ETV3: variants seen among roughly 807,000 people sequenced by gnomAD.
ETV3 encodes ETS variant transcription factor 3.
A neutral mutation model predicts 33.0 loss-of-function variants in ETV3; 8 were observed. The ratio of observed to expected loss-of-function variants is 0.24; its 90% CI spans 0.14 to 0.44. The LOEUF (loss-of-function observed/expected upper bound fraction) is 0.44, where lower values mean the gene tolerates loss of function less well. Among genes scored for constraint, ETV3 ranks in the 20% least tolerant of loss-of-function variants. The pLI is 1.00. For synonymous variants in ETV3, 222 were observed against 238.9 expected (o/e 0.93, Z 0.65); for missense variants, 473 against 652.3 (o/e 0.73, Z 2.99).
Position 157,124,599 on chromosome 1 carries a change from T to C in ETV3, c.*242A>G, listed in dbSNP as rs1674781710. 3 of 394,914 alleles carry C rather than the reference T, an allele frequency of 7.6e-6. No homozygotes were observed. The highest frequency in any genetic ancestry group is 9.0e-6 in the Non-Finnish European group (2 of 222,974). 24.5% of individuals were successfully genotyped at this position (394,914 alleles called of 1,614,324 possible). ...AGCCTCAACAGGAAATAGAGGCTCC[T>C]TCTCCTTTGAGTTCAATACCCTCCC... On this transcript the variant is annotated 3_prime_UTR_variant, in exon 5 of 5. Transcript: ENST00000368192.
chr1:157,135,349 A>G (rs1023402961), intron 3 of ETV3, 122 bp downstream of exon 3: 13 of 1,197,344 alleles, frequency 1.1e-5, no homozygotes, highest in Non-Finnish European at 1.5e-5. Context: ...CTTTAAAGTG[A>G]CACATTATTC....
In ETV3 at chr1:157,124,757, C is replaced by T. The variant is rs1424970292; in HGVS notation, c.*84G>A. 8.3e-6 allele frequency: 2 copies of T among 240,688 alleles called. No homozygotes were observed. The highest frequency in any genetic ancestry group is 1.7e-5 in the Non-Finnish European group (2 of 116,174). The allele number at this position is 240,688 out of a possible 1,614,324, so 14.9% of individuals were successfully genotyped here. ...AGAATGATCAAACCAGTTTAACTCC[C>T]TCCCCCCCACCCTGAAATCTTGCTA... On this transcript the variant is annotated 3_prime_UTR_variant, in exon 5 of 5. Transcript: ENST00000368192.
intron 4 of ETV3, among the ~76,000 whole-genome samples, chr1:157,131,588 ATC>A (rs1674969652): frequency 6.6e-6 from 1 of 152,222 alleles, no homozygotes; most frequent in Admixed American, 6.5e-5. Context: ...CAACAGCTCG[ATC>A]TCTCAGGAAT....
Position 157,125,389 on chromosome 1 carries a change from G to C in ETV3, c.991C>G (p.Gln331Glu). Residue 331 changes from glutamine (Q) to glutamate (E), a missense_variant, in exon 5 of 5, where the codon CAG becomes GAG. Coordinates refer to ENST00000368192, the MANE Select transcript of ETV3 (RefSeq NM_001145312.3). This position sits in a 1 kb window ranked among gnomAD's most constrained non-coding sequence, Gnocchi z 4.0. ...RYPGLMVPPL[Q>E]CQMHPEESTQ... ...GACTCCTCAGGATGCATTTGGCACT[G>C]CAGTGGTGGAACCATGAGCCCTGGG... 6.4e-7 allele frequency: 1 copy of C among 1,552,100 alleles called. No homozygotes were observed. The highest frequency in any genetic ancestry group is 8.7e-7 in the Non-Finnish European group (1 of 1,147,094).
Position 157,121,578 on chromosome 1 carries a change from C to T in ETV3, c.*3263G>A, listed in dbSNP as rs1308760826. ...CAAATTAACTGGTAACTTTTTATCC[C>T]CCTAAGAAGAAACCAAGAATGGAAC... On this transcript the variant is annotated 3_prime_UTR_variant, in exon 5 of 5. Coordinates refer to ENST00000368192, the MANE Select transcript of ETV3 (RefSeq NM_001145312.3). 6.6e-6 allele frequency: 1 copy of T among 152,112 alleles called. No individual in the cohort carries two copies. Among genetic ancestry groups the T allele is most frequent in the Non-Finnish European group, 1.5e-5 (1 of 68,022 alleles). The allele number at this position is 152,112 out of a possible 1,614,324, so 9.4% of individuals were successfully genotyped here. A position where few individuals can be genotyped will look rare whatever the true frequency, so the allele number is the denominator to read the frequency against.
At position 157,135,457 on chromosome 1, in the gene ETV3, A is replaced by G. The variant is rs1252100831; in HGVS notation, c.284+14T>C. 1 of 1,613,730 alleles carries G rather than the reference A, an allele frequency of 6.2e-7. No homozygotes were observed. The highest frequency in any genetic ancestry group is 2.2e-5 in the East Asian group (1 of 44,878). ...CCAATCTGTTAACACAGATTTGGGA[A>G]TCCTTTTCCTTACCTGAGGGCCCGG... On this transcript the variant is annotated intron_variant, in intron 3 of 4. Coordinates refer to ENST00000368192, the MANE Select transcript of ETV3 (RefSeq NM_001145312.3).
intron 4 of ETV3, 65 bp downstream of exon 4, chr1:157,134,046 AT>A (rs1370585983): frequency 1.3e-6 from 2 of 1,585,810 alleles, no homozygotes; most frequent in Non-Finnish European, 1.7e-6. Context: ...CATGTCTTAG[AT>A]TTGGATTTTT....
intron 1 of ETV3, among the ~76,000 whole-genome samples, chr1:157,136,882 G>C (rs969424390): frequency 6.6e-6 from 1 of 152,128 alleles, no homozygotes; most frequent in African/African-American, 2.4e-5. Flanking sequence ...TGAATTATGT[G>C]AGATAGAAGG....
At chr1:157,135,156 T>C (rs948851905) in intron 3 of ETV3, 4 of 454,848 alleles carry the variant, frequency 8.8e-6, no homozygotes, top group Non-Finnish European at 1.2e-5. Flanking sequence ...ACTAATCCTT[T>C]GGATTATAAA....
Position 157,125,629 on chromosome 1 carries a change from G to A in ETV3, c.751C>T (p.Pro251Ser). 1 of 1,551,730 alleles carries A rather than the reference G, an allele frequency of 6.4e-7. No homozygotes were observed. The highest frequency in any genetic ancestry group is 8.7e-7 in the Non-Finnish European group (1 of 1,147,006). ...PDPHSPFAVS[P>S]IPGRGGVLNV... ...AGGACACCTCCGCGGCCAGGGATTG[G>A]AGAGACAGCGAAGGGACTGTGGGGG... Residue 251 changes from proline to serine, a missense_variant, in exon 5 of 5, where the codon CCA becomes TCA. Pro to Ser is a moderately conservative substitution (Grantham distance 74). Transcript: ENST00000368192. This position sits in a 1 kb window ranked among gnomAD's most constrained non-coding sequence, Gnocchi z 4.0.
At position 157,124,638 on chromosome 1, in the gene ETV3, C is replaced by A. The variant is rs1271965210; in HGVS notation, c.*203G>T. 5.7e-6 allele frequency: 3 copies of A among 527,936 alleles called. No homozygotes were observed. The highest frequency in any genetic ancestry group is 9.7e-6 in the Non-Finnish European group (3 of 308,240). 32.7% of individuals were successfully genotyped at this position (527,936 alleles called of 1,614,324 possible). A position where few individuals can be genotyped will look rare whatever the true frequency, so the allele number is the denominator to read the frequency against. ...CAATACCCTCCCTGTGTCCTACTCA[C>A]CAGGAAAATAAGTGTGTTCATATCC... On this transcript the variant is annotated 3_prime_UTR_variant, in exon 5 of 5. Transcript: ENST00000368192.
At chr1:157,136,257 C>A in intron 2 of ETV3, 50 bp downstream of exon 2, 1 of 1,559,678 alleles carries the variant, frequency 6.4e-7, no homozygotes, top group South Asian at 1.1e-5. Context: ...AGGACAGGAA[C>A]CACTGAGGGA....
At chr1:157,127,862 C>T (rs1307330132) in intron 4 of ETV3, among the ~76,000 whole-genome samples, 2 of 152,052 alleles carry the variant, frequency 1.3e-5, no homozygotes, top group Non-Finnish European at 2.9e-5. Flanking sequence ...ACTTTAGTGG[C>T]TCACAGTTCT....
Position 157,131,684 on chromosome 1 carries a change from T to C in ETV3, c.400+2428A>G, listed in dbSNP as rs955964526. On this transcript the variant is annotated intron_variant, in intron 4 of 4. Transcript: ENST00000368192. The stretch of plus-strand genomic sequence containing the variant: ...CTTTGCTGTCGTTTTCCTAATTTTA[T>C]CATTTGTAAAATGTGGATATCAAGA... Among the ~76,000 whole-genome samples, 3 of 152,242 alleles carry C rather than the reference T, an allele frequency of 2.0e-5. No individual in the cohort carries two copies. In the South Asian group the frequency reaches 6.2e-4, roughly 32 times the overall value.
intron 4 of ETV3, chr1:157,128,363 C>T (rs1427397297): frequency 6.4e-5 from 12 of 186,642 alleles, no homozygotes; most frequent in Non-Finnish European, 9.4e-5. Context: ...GAATTAAATA[C>T]GGGTGATATT....
At chr1:157,137,665 C>G (rs146416217) in intron 1 of ETV3, among the ~76,000 whole-genome samples, 2 of 152,062 alleles carry the variant, frequency 1.3e-5, no homozygotes, top group Non-Finnish European at 2.9e-5. Context: ...GGAAGCTGCC[C>G]TGGACTCTTA....
intron 4 of ETV3, among the ~76,000 whole-genome samples, chr1:157,131,707 A>C (rs1170827448): frequency 6.6e-6 from 1 of 152,252 alleles, no homozygotes; most frequent in African/African-American, 2.4e-5. Context: ...GTGGATATCA[A>C]GACATTCACT....
At chr1:157,137,494 G>A (rs1180812133) in intron 1 of ETV3, among the ~76,000 whole-genome samples, 1 of 118,678 alleles carries the variant, frequency 8.4e-6, no homozygotes, top group Non-Finnish European at 1.6e-5. Flanking sequence ...CCAAAGGAAG[G>A]AGCAGACAAG....
chr1:157,135,182 G>C, intron 3 of ETV3: 2 of 514,748 alleles, frequency 3.9e-6, no homozygotes, highest in Non-Finnish European at 6.9e-6. Flanking sequence ...TCCAATCCAT[G>C]TTTCACCATA....
Sources: allele counts gnomAD v4.1 joint callset (sites outside exome capture counted in the v4.1 genomes callset), GRCh38; gene constraint gnomAD v4.1.1; non-coding constraint Gnocchi (gnomAD v3.1); transcripts MANE v1.5; gene names NCBI Gene and HGNC (gene_info 2026-07-23, HGNC 2026-07-21).